The following SHC3 variants were observed in gnomAD, a reference collection of about 807,000 sequenced individuals.
The protein encoded by SHC3 is SHC-transforming protein 3.
SHC3 carries 15 observed loss-of-function variants against 60.4 expected under a neutral mutation model. The ratio of observed to expected loss-of-function variants is 0.25; its 90% CI spans 0.17 to 0.38. The LOEUF is 0.38. SHC3 is among the 10% of genes least tolerant of loss of function. The pLI is 1.00. For missense variants in SHC3, 677 were observed against 786.1 expected, an observed-to-expected ratio of 0.86 and a Z score of 1.66; for synonymous variants, 294 against 325.9, an observed-to-expected ratio of 0.90 and a Z score of 1.05.
At chr9:89,113,764 T>C (rs994106527) in intron 1 of SHC3, among the ~76,000 whole-genome samples, 6 of 152,206 alleles carry the variant, frequency 3.9e-5, no homozygotes, top group Non-Finnish European at 1.5e-5. Context: ...TGGAATTACT[T>C]GAATACCTCA....
intron 1 of SHC3, among the ~76,000 whole-genome samples, chr9:89,156,360 AT>A (rs1410940843): frequency 6.6e-6 from 1 of 152,150 alleles, no homozygotes; most frequent in African/African-American, 2.4e-5. Flanking sequence ...TTGACATCTA[AT>A]AACTTCAGGG....
intron 1 of SHC3, among the ~76,000 whole-genome samples, chr9:89,130,716 A>G (rs1826232014): frequency 6.6e-6 from 1 of 152,264 alleles, no homozygotes; most frequent in African/African-American, 2.4e-5. Context: ...TTTGAAGCCA[A>G]CGAGAACAAA....
At position 89,038,299 on chromosome 9, in the gene SHC3, CA is replaced by C; in HGVS notation, c.1361-12del. ...CATCTTCAAAAGGTTCTGTCATCAA[CA>C]ATATTGACCAGCAACAAGTCAATCC... On this transcript the variant is annotated splice_polypyrimidine_tract_variant and intron_variant, in intron 10 of 11. Transcript: ENST00000375835. 6.4e-7 allele frequency: 1 copy of C among 1,565,824 alleles called. No homozygotes were observed. The highest frequency in any genetic ancestry group is 8.7e-7 in the Non-Finnish European group (1 of 1,153,634).
At chr9:89,025,353 T>C (rs911993101) in intron 11 of SHC3, among the ~76,000 whole-genome samples, 1 of 152,148 alleles carries the variant, frequency 6.6e-6, no homozygotes, top group Non-Finnish European at 1.5e-5. Flanking sequence ...AGGTGTGATG[T>C]AGACCTGTCC....
intron 11 of SHC3, among the ~76,000 whole-genome samples, chr9:89,024,052 CA>C (rs1174305526): frequency 1.3e-5 from 2 of 152,166 alleles, no homozygotes; most frequent in Non-Finnish European, 2.9e-5. Context: ...CCTAGAACAG[CA>C]GCTCCAGCTG....
intron 4 of SHC3, among the ~76,000 whole-genome samples, chr9:89,071,626 T>G (rs1385801703): frequency 6.6e-6 from 1 of 152,184 alleles, no homozygotes; most frequent in Non-Finnish European, 1.5e-5. Context: ...TTAACATAAG[T>G]GACTCCATCT....
At chr9:89,048,557 G>T (rs547444843) in intron 7 of SHC3, among the ~76,000 whole-genome samples, 2 of 152,124 alleles carry the variant, frequency 1.3e-5, no homozygotes, top group Non-Finnish European at 2.9e-5. Context: ...AGTTTCTTTG[G>T]GGGGTAATGA....
At chr9:89,142,464 T>C (rs187711237) in intron 1 of SHC3, among the ~76,000 whole-genome samples, 1 of 151,502 alleles carries the variant, frequency 6.6e-6, no homozygotes, top group Admixed American at 6.6e-5. Context: ...GGTGGATCAC[T>C]TGAGGTCCAG....
intron 1 of SHC3, among the ~76,000 whole-genome samples, chr9:89,162,279 C>T (rs985384808): frequency 4.0e-5 from 6 of 150,918 alleles, no homozygotes; most frequent in Admixed American, 2.0e-4. Context: ...GAGCCCGCAT[C>T]GCCAAGTCAA....
chr9:89,160,514 C>A (rs556374924), intron 1 of SHC3, among the ~76,000 whole-genome samples: 1 of 152,132 alleles, frequency 6.6e-6, no homozygotes, highest in Non-Finnish European at 1.5e-5. Context: ...CAGAACAAGA[C>A]GTGTAATTGA....
intron 7 of SHC3, among the ~76,000 whole-genome samples, chr9:89,050,428 GA>G (rs1389158327): frequency 1.3e-5 from 2 of 152,182 alleles, no homozygotes; most frequent in Non-Finnish European, 2.9e-5. Context: ...TGGGACTACA[GA>G]CATGCATCAC....
chr9:89,109,902 A>G, intron 2 of SHC3: 3 of 985,492 alleles, frequency 3.0e-6, no homozygotes, highest in Non-Finnish European at 3.6e-6. Flanking sequence ...ATGCAATTTC[A>G]TAGCATTCAG....
rs1377391998 is a variant in SHC3 at position 89,153,281 on chromosome 9, T to C, written c.474+24706A>G. On this transcript the variant is annotated intron_variant, in intron 1 of 11. Coordinates refer to ENST00000375835, the MANE Select transcript of SHC3 (RefSeq NM_016848.6). ...AGCATCAAAAAGTTAAAATCATTCA[T>C]AGGCAATCCCCCCAGAATAACTTGG... Among the ~76,000 whole-genome samples, 3 of 152,206 alleles carry C rather than the reference T, an allele frequency of 2.0e-5. No homozygotes were observed. The East Asian group carries it at 5.8e-4, about 29-fold the overall frequency.
At chr9:89,078,238 T>G (rs1208443164) in intron 2 of SHC3, among the ~76,000 whole-genome samples, 1 of 152,096 alleles carries the variant, frequency 6.6e-6, no homozygotes, top group East Asian at 1.9e-4. Flanking sequence ...TAAAATATTC[T>G]CTTCCCGACA....
intron 1 of SHC3, among the ~76,000 whole-genome samples, chr9:89,136,524 GAAGTTACCCTATATAAA>G (rs1332275674): frequency 1.3e-5 from 2 of 152,160 alleles, no homozygotes; most frequent in East Asian, 3.8e-4. Flanking sequence ...GAAATGTCAG[GAAGTTACCCTATATAAA>G]AAGGGAAGGA....
chr9:89,040,202 CATCACCATCAT>C (rs1824659442), intron 10 of SHC3, among the ~76,000 whole-genome samples: 1 of 150,536 alleles, frequency 6.6e-6, no homozygotes, highest in Non-Finnish European at 1.5e-5. Context: ...TCAGCAGCAT[CATCACCATCAT>C]CATCATCACC....
chr9:89,115,312 AC>A (rs1826005099), intron 1 of SHC3, among the ~76,000 whole-genome samples: 1 of 152,124 alleles, frequency 6.6e-6, no homozygotes, highest in South Asian at 2.1e-4. Flanking sequence ...TGTGAATACC[AC>A]CATAACCAAC....
intron 11 of SHC3, among the ~76,000 whole-genome samples, chr9:89,019,882 T>C (rs915663807): frequency 6.6e-6 from 1 of 152,096 alleles, no homozygotes; most frequent in Non-Finnish European, 1.5e-5. Flanking sequence ...AAATAATAAA[T>C]GAATATTCAG....
In SHC3 at chr9:89,038,101, G is replaced by T. The variant is rs150513468; in HGVS notation, c.1548C>A (p.Asp516Glu). ...TGCTCTTCCTGACCAGGAAGTCTCC[G>T]TCTTTCTCCAGCAGCCCCTCTGCCT... ...RKEAEGLLEK[D>E]GDFLVRKSTT... Residue 516 changes from aspartate (D) to glutamate (E), a missense_variant, in exon 11 of 12, where the codon GAC becomes GAA. Physicochemically the swap from Asp to Glu is conservative, Grantham distance 45. Coordinates refer to ENST00000375835, the MANE Select transcript of SHC3 (RefSeq NM_016848.6). The T allele has an allele frequency of 6.2e-7, 1 of 1,614,078 alleles. No homozygotes were observed. The highest frequency in any genetic ancestry group is 1.3e-5 in the African/African-American group (1 of 75,020).
Sources: allele counts gnomAD v4.1 joint callset (sites outside exome capture counted in the v4.1 genomes callset), GRCh38; gene constraint gnomAD v4.1.1; transcripts MANE v1.5; gene names NCBI Gene and HGNC (gene_info 2026-07-23, HGNC 2026-07-21).